The following C12orf76 variants were observed in gnomAD, a reference collection of about 807,000 sequenced individuals.
C12orf76 encodes the protein uncharacterized protein C12orf76.
Under a neutral mutation model 6.8 loss-of-function variants are expected in C12orf76, and 6 were observed. The observed-to-expected ratio is 0.88, with a 90% CI of 0.48 to 1.73. The LOEUF is 1.73. C12orf76 is among the 40% of genes most tolerant of loss of function. The pLI, the probability that C12orf76 is intolerant of heterozygous loss-of-function variation, is 0.01. For missense variants in C12orf76, 99 were observed against 98.2 expected (o/e 1.01, Z -0.03); for synonymous variants, 56 against 43.7 (o/e 1.28, Z -1.11).
upstream of C12orf76, chr12:110,050,704 A>C: frequency 2.4e-6 from 1 of 424,268 alleles, no homozygotes; most frequent in South Asian, 3.1e-5. Context: ...GCGTATCATC[A>C]AGAAATAATC....
chr12:110,048,378 G>T lies in C12orf76; in HGVS notation c.118C>A (p.Arg40=). Residue 40 remains arginine, a synonymous_variant, in exon 1 of 2, where the codon CGA becomes AGA. Transcript: ENST00000615315. ...LERSRPYAVL[R]GQNLVLMGTI... ...GGCCGCTCACCCAGGTTCTGCCCTC[G>T]CAGCACCGCGTACGGCCGGCTCCGC... 6.6e-7 allele frequency: 1 copy of T among 1,514,896 alleles called. No homozygotes were observed. Among genetic ancestry groups the T allele is most frequent in the Non-Finnish European group, 8.8e-7 (1 of 1,136,938 alleles). The allele number at this position is 1,514,896 out of a possible 1,614,324, so 93.8% of individuals were successfully genotyped here.
At chr12:110,045,250 T>G (rs1033779761) in intron 1 of C12orf76, among the ~76,000 whole-genome samples, 1 of 152,192 alleles carries the variant, frequency 6.6e-6, no homozygotes, top group African/African-American at 2.4e-5. Flanking sequence ...CTTATTCCAT[T>G]TAAGAACATT....
At chr12:110,070,301 C>T (rs935107725), upstream of C12orf76, among the ~76,000 whole-genome samples, 7 of 144,416 alleles carry the variant, frequency 4.8e-5, no homozygotes, top group African/African-American at 1.8e-4. Flanking sequence ...CGGTGGTTCA[C>T]ACCTATAATC....
intron 3 of C12orf76, among the ~76,000 whole-genome samples, chr12:110,058,741 T>A (rs1282514141): frequency 1.3e-5 from 2 of 152,218 alleles, no homozygotes; most frequent in East Asian, 3.8e-4. Context: ...CAGTTCCATA[T>A]GGCTCAAGCT....
At chr12:110,054,092 A>G (rs1483974099), upstream of C12orf76, among the ~76,000 whole-genome samples, 1 of 151,758 alleles carries the variant, frequency 6.6e-6, no homozygotes, top group Non-Finnish European at 1.5e-5. The surrounding 1 kb of genome is among the most constrained non-coding windows in gnomAD (Gnocchi z 4.4). Context: ...ATAATAAAAT[A>G]AAATAATTTT....
At chr12:110,062,593 T>C (rs1331615513) in intron 2 of C12orf76, among the ~76,000 whole-genome samples, 1 of 151,770 alleles carries the variant, frequency 6.6e-6, no homozygotes, top group Non-Finnish European at 1.5e-5. Flanking sequence ...TATACCTCAA[T>C]AAAGTTGAGA....
At chr12:110,059,318 A>C in intron 2 of C12orf76, 1 of 992,556 alleles carries the variant, frequency 1.0e-6, no homozygotes, top group Non-Finnish European at 1.4e-6. Context: ...CTGTGATTAA[A>C]GATAGTTTTA....
intron 3 of C12orf76, among the ~76,000 whole-genome samples, chr12:110,058,398 T>A (rs1037760343): frequency 4.6e-5 from 7 of 152,132 alleles, no homozygotes; most frequent in African/African-American, 1.4e-4. Flanking sequence ...TCATGGTGCC[T>A]CACGCCTGTA....
exon 1 of C12orf76, chr12:110,073,459 T>C (rs1409725727): frequency 3.8e-6 from 2 of 524,336 alleles, no homozygotes; most frequent in Non-Finnish European, 7.7e-6. Flanking sequence ...AAGAACTTAA[T>C]GGTGCCATAA....
intron 3 of C12orf76, among the ~76,000 whole-genome samples, chr12:110,058,677 A>C (rs1892718776): frequency 1.3e-5 from 2 of 152,260 alleles, no homozygotes; most frequent in East Asian, 3.9e-4. Flanking sequence ...CTCCAAAAAA[A>C]AGAAAAGAAA....
chr12:110,068,909 C>T (rs922848686), upstream of C12orf76, among the ~76,000 whole-genome samples: 2 of 152,228 alleles, frequency 1.3e-5, no homozygotes, highest in Admixed American at 6.5e-5. Flanking sequence ...ACCCGCTACA[C>T]AGATGGCTAA....
intron 4 of C12orf76, chr12:110,057,123 C>G (rs1892682977): frequency 2.7e-6 from 3 of 1,112,474 alleles, no homozygotes; most frequent in Admixed American, 3.5e-5. Context: ...AAGGTGTCCA[C>G]CATAAAGTTG....
At chr12:110,049,998 G>C (rs1316561058), upstream of C12orf76, 1 of 152,192 alleles carries the variant, frequency 6.6e-6, no homozygotes, top group Admixed American at 6.6e-5. Context: ...CAGAAATTGT[G>C]CATTCGGGGA....
At position 110,063,731 on chromosome 12, in the gene C12orf76, G is replaced by A. The variant is rs555370023; in HGVS notation, n.380+2129C>T. ...CAATGCCCGCCTCCCAGGTTCAAGC[G>A]ATTCTCCAGCCTCAGGCTCCCAAGT... On this transcript the variant is annotated intron_variant and non_coding_transcript_variant, in intron 2 of 4. Transcript: ENST00000309050. Among the ~76,000 whole-genome samples the A allele has an allele frequency of 6.0e-5, 9 of 150,934 alleles. No individual in the cohort carries two copies. The East Asian group carries it at 1.2e-3, about 20-fold the overall frequency.
Position 110,047,527 on chromosome 12 carries a change from A to C in C12orf76, c.133+836T>G, listed in dbSNP as rs189099598. On this transcript the variant is annotated intron_variant, in intron 1 of 1. Coordinates refer to ENST00000615315, the MANE Select transcript of C12orf76 (RefSeq NM_001389625.1). ...ACAAAAAGTAAACAACAACAACAACAAAATGAGCCAGGTGTGGTGGTGCAC... is the reference window on the plus strand; with the variant it reads ...ACAAAAAGTAAACAACAACAACAACCAAATGAGCCAGGTGTGGTGGTGCAC... 2.3e-3 allele frequency among the ~76,000 whole-genome samples: 352 copies of C among 152,222 alleles called. 1 individual carries two copies. The highest frequency in any genetic ancestry group is 8.3e-3 in the African/African-American group (345 of 41,524).
upstream of C12orf76, among the ~76,000 whole-genome samples, chr12:110,069,109 A>G (rs1892929644): frequency 6.6e-6 from 1 of 152,214 alleles, no homozygotes. Flanking sequence ...AACGTTTTAC[A>G]TGGAGGTTAT....
At chr12:110,056,981 T>A in intron 4 of C12orf76, 1 of 574,702 alleles carries the variant, frequency 1.7e-6, no homozygotes, top group Non-Finnish European at 3.1e-6. Context: ...GACAAATACA[T>A]CCATCAAGGG....
chr12:110,051,330 T>C (rs1164918224), upstream of C12orf76: 2 of 694,164 alleles, frequency 2.9e-6, no homozygotes, highest in Non-Finnish European at 5.3e-6. Context: ...CATACCTGCC[T>C]CATGAATTGT....
intron 4 of C12orf76, among the ~76,000 whole-genome samples, chr12:110,056,367 T>G (rs1029525317): frequency 6.6e-6 from 1 of 152,124 alleles, no homozygotes; most frequent in African/African-American, 2.4e-5. Context: ...GGCTATAATT[T>G]TATGCATTCT....
Sources: allele counts gnomAD v4.1 joint callset (sites outside exome capture counted in the v4.1 genomes callset), GRCh38; gene constraint gnomAD v4.1.1; non-coding constraint Gnocchi (gnomAD v3.1); transcripts MANE v1.5; gene names NCBI Gene and HGNC (gene_info 2026-07-23, HGNC 2026-07-21).